The following RAB3C variants were observed in gnomAD, a reference collection of about 807,000 sequenced individuals.
The protein encoded by RAB3C is ras-related protein Rab-3C.
A neutral mutation model predicts 26.4 loss-of-function variants in RAB3C; 17 were observed. The observed-to-expected ratio is 0.64, with a 90% CI of 0.44 to 0.97. The LOEUF (loss-of-function observed/expected upper bound fraction) is 0.97. Ranked by LOEUF, RAB3C falls within the 50% of genes least tolerant of loss-of-function variation. RAB3C has a pLI of 0.00. For synonymous variants in RAB3C, 91 were observed against 95.9 expected, an observed-to-expected ratio of 0.95 and a Z score of 0.30; for missense variants, 242 against 281.9, an observed-to-expected ratio of 0.86 and a Z score of 1.01.
intron 3 of RAB3C, among the ~76,000 whole-genome samples, chr5:58,789,997 G>A (rs1742486392): frequency 6.6e-6 from 1 of 152,140 alleles, no homozygotes; most frequent in African/African-American, 2.4e-5. Context: ...TGGACATTAT[G>A]GGTTTTAAAA....
chr5:58,835,818 A>G (rs930283617), intron 4 of RAB3C, among the ~76,000 whole-genome samples: 2 of 152,256 alleles, frequency 1.3e-5, no homozygotes, highest in African/African-American at 4.8e-5. Flanking sequence ...CAGTATTTGG[A>G]TTTGGATTTA....
Position 58,658,104 on chromosome 5 carries a change from ATACGTGTC to A in RAB3C, c.252+40237_252+40244del, listed in dbSNP as rs1275586194. Among the ~76,000 whole-genome samples the A allele has an allele frequency of 2.6e-5, 4 of 152,344 alleles. No individual in the cohort carries two copies. The East Asian group carries it at 7.7e-4, about 29-fold the overall frequency. ...AGTTTGGGAAGAATAAAACTGCTTC[ATACGTGTC>A]TATTATGTTGCAGGTATAGTATTAG... is the stretch of plus-strand genomic sequence containing the variant. On this transcript the variant is annotated intron_variant, in intron 2 of 4. Coordinates refer to ENST00000282878, the MANE Select transcript of RAB3C (RefSeq NM_138453.4).
At chr5:58,836,675 G>A (rs917636832) in intron 4 of RAB3C, among the ~76,000 whole-genome samples, 13 of 100,192 alleles carry the variant, frequency 1.3e-4, no homozygotes, top group South Asian at 3.7e-4. Flanking sequence ...TTAATATAAC[G>A]TCCCTCCAGT....
At chr5:58,617,077 A>G (rs1249480115) in intron 1 of RAB3C, among the ~76,000 whole-genome samples, 1 of 152,194 alleles carries the variant, frequency 6.6e-6, no homozygotes, top group African/African-American at 2.4e-5. Context: ...AGTATCCGGC[A>G]CATTGTTTGA....
intron 2 of RAB3C, among the ~76,000 whole-genome samples, chr5:58,637,772 A>G (rs1365709304): frequency 6.6e-6 from 1 of 152,148 alleles, no homozygotes; most frequent in Non-Finnish European, 1.5e-5. Context: ...AAAAGACATC[A>G]CTGGAAATCT....
At chr5:58,693,362 A>G (rs1403492291) in intron 2 of RAB3C, among the ~76,000 whole-genome samples, 2 of 143,732 alleles carry the variant, frequency 1.4e-5, no homozygotes, top group Admixed American at 6.9e-5. Flanking sequence ...ATATATATAT[A>G]AAATTTCTTA....
intron 2 of RAB3C, chr5:58,689,202 CTTAA>C (rs375271791): frequency 6.7e-4 from 102 of 152,204 alleles, no homozygotes; most frequent in African/African-American, 2.4e-3. Context: ...AACCTGAACT[CTTAA>C]TTATTACTAT....
chr5:58,735,889 A>G (rs1741122777), intron 3 of RAB3C, among the ~76,000 whole-genome samples: 1 of 152,160 alleles, frequency 6.6e-6, no homozygotes, highest in Non-Finnish European at 1.5e-5. Context: ...AGTACAGCAA[A>G]GAGAACAAAA....
chr5:58,747,398 G>T (rs780631551), intron 3 of RAB3C, among the ~76,000 whole-genome samples: 1 of 151,896 alleles, frequency 6.6e-6, no homozygotes. Context: ...ATTTTATTTG[G>T]TTATCCTACT....
intron 2 of RAB3C, among the ~76,000 whole-genome samples, chr5:58,680,755 T>C (rs1359072926): frequency 6.6e-6 from 1 of 152,196 alleles, no homozygotes; most frequent in Non-Finnish European, 1.5e-5. Context: ...CCTTCCGGTA[T>C]CCTTCTTATA....
intron 2 of RAB3C, among the ~76,000 whole-genome samples, chr5:58,686,487 A>G (rs1294361818): frequency 1.3e-5 from 2 of 152,172 alleles, no homozygotes; most frequent in Non-Finnish European, 1.5e-5. Flanking sequence ...CTCTAGGAAT[A>G]GATTAGCAAT....
chr5:58,757,944 G>GTTTTC (rs1248970236), intron 3 of RAB3C, among the ~76,000 whole-genome samples: 3 of 152,070 alleles, frequency 2.0e-5, no homozygotes, highest in African/African-American at 4.8e-5. Context: ...GTTTTGTTTT[G>GTTTTC]TTTTGTTTTG....
intron 1 of RAB3C, among the ~76,000 whole-genome samples, chr5:58,587,853 C>T (rs1334015158): frequency 6.6e-6 from 1 of 152,120 alleles, no homozygotes; most frequent in Non-Finnish European, 1.5e-5. Context: ...TCAAAAGTCA[C>T]TCAGCCCTGC....
At chr5:58,805,145 T>C (rs1440618178) in intron 3 of RAB3C, among the ~76,000 whole-genome samples, 1 of 152,196 alleles carries the variant, frequency 6.6e-6, no homozygotes, top group Non-Finnish European at 1.5e-5. Flanking sequence ...TAGGCACTGT[T>C]AAATACTTGA....
intron 3 of RAB3C, among the ~76,000 whole-genome samples, chr5:58,729,311 A>G (rs933809677): frequency 2.0e-5 from 3 of 151,776 alleles, no homozygotes; most frequent in Non-Finnish European, 4.4e-5. Context: ...TTCTGTATGT[A>G]GTTCAGTAGT....
intron 1 of RAB3C, among the ~76,000 whole-genome samples, chr5:58,603,247 T>C (rs1029444307): frequency 1.1e-4 from 16 of 152,198 alleles, no homozygotes; most frequent in African/African-American, 3.9e-4. Context: ...CTCTTAAGAT[T>C]CTTTCCTTTG....
chr5:58,731,672 G>A (rs1741023898), intron 3 of RAB3C, among the ~76,000 whole-genome samples: 1 of 152,146 alleles, frequency 6.6e-6, no homozygotes, highest in Non-Finnish European at 1.5e-5. Context: ...GATCTCACAG[G>A]AACGTCTTCA....
chr5:58,711,975 A>G (rs1216586937), intron 2 of RAB3C, among the ~76,000 whole-genome samples: 2 of 152,186 alleles, frequency 1.3e-5, no homozygotes, highest in African/African-American at 4.8e-5. Flanking sequence ...CTTACAATGT[A>G]AAAATGGTAG....
In RAB3C at chr5:58,643,433, A is replaced by G. The variant is rs961207000; in HGVS notation, c.252+25563A>G. ...GATTCTGGTGACACCTGTGGCATTT[A>G]TTTTTAGGACCCTAGTAAACTATAA... On this transcript the variant is annotated intron_variant, in intron 2 of 4. Coordinates refer to ENST00000282878, the MANE Select transcript of RAB3C (RefSeq NM_138453.4). Among the ~76,000 whole-genome samples, 8 of 152,090 alleles carry G rather than the reference A, an allele frequency of 5.3e-5. No individual in the cohort carries two copies. The East Asian group carries it at 1.5e-3, about 29-fold the overall frequency.
Sources: allele counts gnomAD v4.1 joint callset (sites outside exome capture counted in the v4.1 genomes callset), GRCh38; gene constraint gnomAD v4.1.1; transcripts MANE v1.5; gene names NCBI Gene and HGNC (gene_info 2026-07-23, HGNC 2026-07-21).